PRR11: variants seen among roughly 807,000 people sequenced by gnomAD.
PRR11 encodes proline rich 11, also known as proline-rich protein 11.
Under a neutral mutation model 45.6 loss-of-function variants are expected in PRR11, and 30 were observed. The observed-to-expected ratio is 0.66, with a 90% CI of 0.49 to 0.89. PRR11 has a LOEUF of 0.89. Ranked by LOEUF, PRR11 falls within the 40% of genes least tolerant of loss-of-function variation. The pLI is 0.00. For missense variants in PRR11, 373 were observed against 424.8 expected (o/e 0.88, Z 1.07); for synonymous variants, 128 against 153.5 (o/e 0.83, Z 1.23).
intron 2 of PRR11, 42 bp from the exon 3 acceptor site, chr17:59,185,008 TCTGA>T (rs2046807116): frequency 6.3e-7 from 1 of 1,580,236 alleles, no homozygotes; most frequent in Non-Finnish European, 8.6e-7. Flanking sequence ...AGGCTATTAT[TCTGA>T]CTTAGGGGTT....
chr17:59,195,431 C>G lies in PRR11; in HGVS notation c.845C>G (p.Thr282Arg), dbSNP rs372367059. 92 of 1,603,234 alleles carry G rather than the reference C, an allele frequency of 5.7e-5. No homozygotes were observed. The highest frequency in any genetic ancestry group is 7.7e-5 in the Non-Finnish European group (90 of 1,170,534). Residue 282 changes from threonine (T) to arginine (R), a missense_variant, in exon 7 of 10, where the codon ACA (threonine) becomes AGA (arginine). Transcript: ENST00000262293. The stretch of plus-strand genomic sequence containing the variant: ...TCCAAAGTGTTATCGACTCGAGTTA[C>G]AAACGTCTTAATGTAAGGAACTGCA... ...PNSKVLSTRV[T>R]NVLITPGKSQ...
chr17:59,205,606 C>A lies in PRR11; in HGVS notation c.*3975C>A, dbSNP rs1488521751. 2.6e-5 allele frequency among the ~76,000 whole-genome samples: 4 copies of A among 151,000 alleles called. No individual in the cohort carries two copies. The highest frequency in any genetic ancestry group is 4.9e-5 in the African/African-American group (2 of 41,000). The stretch of plus-strand genomic sequence containing the variant: ...AATCCCAGCTACTGGGAAGGCTGAG[C>A]CAGAATGGCTTGAACCTGGGAGGCA... On this transcript the variant is annotated 3_prime_UTR_variant, in exon 10 of 10. Transcript: ENST00000262293.
intron 2 of PRR11, among the ~76,000 whole-genome samples, chr17:59,171,459 C>G (rs2046708156): frequency 6.6e-6 from 1 of 152,006 alleles, no homozygotes; most frequent in Non-Finnish European, 1.5e-5. Flanking sequence ...TTCAGCAGCA[C>G]ATGTAACCAT....
At chr17:59,199,808 A>C (rs926892682) in intron 9 of PRR11, among the ~76,000 whole-genome samples, 2 of 152,100 alleles carry the variant, frequency 1.3e-5, no homozygotes, top group African/African-American at 4.8e-5. Flanking sequence ...TTACCAATCA[A>C]CTTGGTCCTA....
At chr17:59,165,196 A>G (rs1374918642) in intron 1 of PRR11, among the ~76,000 whole-genome samples, 4 of 151,218 alleles carry the variant, frequency 2.6e-5, no homozygotes, top group Non-Finnish European at 5.9e-5. Context: ...AATTTTTTGT[A>G]TTTTTAGTAG....
At chr17:59,176,967 G>A (rs1202229560) in intron 2 of PRR11, among the ~76,000 whole-genome samples, 3 of 152,126 alleles carry the variant, frequency 2.0e-5, no homozygotes, top group Non-Finnish European at 4.4e-5. Flanking sequence ...GAAGTGCTGG[G>A]ATTATAGGCG....
intron 2 of PRR11, chr17:59,178,487 T>C: frequency 1.9e-6 from 1 of 522,418 alleles, no homozygotes; most frequent in Non-Finnish European, 3.8e-6. Context: ...TCTGACAACC[T>C]CAAATCTTTG....
intron 2 of PRR11, among the ~76,000 whole-genome samples, chr17:59,180,995 T>G (rs1386275217): frequency 6.6e-6 from 1 of 151,364 alleles, no homozygotes; most frequent in African/African-American, 2.4e-5. Flanking sequence ...TTTTGTTGTT[T>G]TTTTGTTTTT....
chr17:59,190,943 G>T (rs1418363752), intron 4 of PRR11, among the ~76,000 whole-genome samples: 2 of 152,238 alleles, frequency 1.3e-5, no homozygotes, highest in African/African-American at 4.8e-5. Context: ...GTGAGGGCTA[G>T]TCCCTGGGCC....
intron 4 of PRR11, among the ~76,000 whole-genome samples, chr17:59,192,071 G>A (rs1351529552): frequency 6.6e-6 from 1 of 152,142 alleles, no homozygotes; most frequent in Non-Finnish European, 1.5e-5. Flanking sequence ...TGTAATTAGG[G>A]TAAGGATTTT....
intron 1 of PRR11, among the ~76,000 whole-genome samples, chr17:59,162,056 G>C (rs944580926): frequency 5.3e-5 from 8 of 152,082 alleles, no homozygotes; most frequent in Non-Finnish European, 7.4e-5. Flanking sequence ...CAAGAGCTGT[G>C]ATTATTTTTG....
At chr17:59,181,654 G>T (rs959494592) in intron 2 of PRR11, 12 of 1,520,948 alleles carry the variant, frequency 7.9e-6, no homozygotes, top group Admixed American at 3.4e-5. Context: ...CTTCTCTGGC[G>T]CCTCCTCCGA....
At position 59,180,519 on chromosome 17, in the gene PRR11, G is replaced by GTTTTT. The variant is rs71300619; in HGVS notation, c.129-4531_129-4527dup. On this transcript the variant is annotated intron_variant, in intron 2 of 9. Coordinates refer to ENST00000262293, the MANE Select transcript of PRR11 (RefSeq NM_018304.4). ...TTGTTTTTTTTTTTTTGTTTTTTTT[G>GTTTTT]TTTTTTTTGCCACAGGGTCTCAGTC... Among the ~76,000 whole-genome samples, 15 of 122,944 alleles carry GTTTTT rather than the reference G, an allele frequency of 1.2e-4. 1 individual carries two copies. The highest frequency in any genetic ancestry group is 5.4e-4 in the African/African-American group (15 of 27,940). 80.7% of individuals were successfully genotyped at this position (122,944 alleles called of 152,430 possible). A position where few individuals can be genotyped will look rare whatever the true frequency, so the allele number is the denominator to read the frequency against.
chr17:59,175,430 GC>G (rs1326001002), intron 2 of PRR11, among the ~76,000 whole-genome samples: 1 of 152,192 alleles, frequency 6.6e-6, no homozygotes, highest in Non-Finnish European at 1.5e-5. Flanking sequence ...TTTGAGATGA[GC>G]CTGGGCAACA....
At chr17:59,186,399 T>A (rs1420019524) in intron 4 of PRR11, among the ~76,000 whole-genome samples, 5 of 138,926 alleles carry the variant, frequency 3.6e-5, no homozygotes, top group Non-Finnish European at 6.3e-5. Flanking sequence ...TTTTTTTTTT[T>A]TTTTTTTTTT....
intron 2 of PRR11, chr17:59,179,790 C>G: frequency 7.3e-7 from 1 of 1,362,258 alleles, no homozygotes; most frequent in Non-Finnish European, 1.0e-6. Context: ...TCTGGCTCCT[C>G]CTCCGATGAC....
At chr17:59,181,332 C>A (rs2046784646) in intron 2 of PRR11, among the ~76,000 whole-genome samples, 2 of 151,786 alleles carry the variant, frequency 1.3e-5, no homozygotes, top group African/African-American at 4.9e-5. Context: ...TTATCAACTC[C>A]AGCCTAATCC....
chr17:59,188,916 G>A (rs538620570), intron 4 of PRR11, among the ~76,000 whole-genome samples: 1 of 149,574 alleles, frequency 6.7e-6, no homozygotes, highest in African/African-American at 2.5e-5. Context: ...CTCCAGCCTG[G>A]GCAACAGAGC....
chr17:59,200,982 CA>C (rs1428111745), intron 9 of PRR11, among the ~76,000 whole-genome samples: 3 of 151,332 alleles, frequency 2.0e-5, no homozygotes, highest in African/African-American at 7.3e-5. Flanking sequence ...TTTTGGGGAA[CA>C]GAAAGTGTTT....
Sources: gnomAD v4.1 joint callset for allele counts (sites outside exome capture counted in the v4.1 genomes callset) on GRCh38, gnomAD v4.1.1 for gene constraint, MANE v1.5 for transcripts, NCBI Gene and HGNC (gene_info 2026-07-23, HGNC 2026-07-21) for gene names.